The following MEGF11 variants were observed in gnomAD, a reference collection of about 807,000 sequenced individuals.
MEGF11 encodes the protein multiple EGF like domains 11, also known as multiple epidermal growth factor-like domains protein 11.
MEGF11 carries 126 observed loss-of-function variants against 146.6 expected under a neutral mutation model. That is an observed-to-expected ratio of 0.86 (90% CI 0.74 to 1.00). The LOEUF is 1.00. Ranked by LOEUF, MEGF11 falls within the 50% of genes least tolerant of loss-of-function variation. The pLI, the probability that MEGF11 is intolerant of heterozygous loss-of-function variation, is 0.00. For missense variants in MEGF11, 1,509 were observed against 1,521.2 expected (o/e 0.99, Z 0.13); for synonymous variants, 532 against 583.4 (o/e 0.91, Z 1.27).
At chr15:66,099,204 C>T (rs200549131) in intron 4 of MEGF11, among the ~76,000 whole-genome samples, 231 of 105,750 alleles carry the variant, frequency 2.2e-3, no homozygotes, top group Middle Eastern at 5.4e-3. Context: ...CCTCCTTTTT[C>T]TTTTTTTTTT....
At chr15:66,246,540 C>T (rs1218913794) in intron 1 of MEGF11, among the ~76,000 whole-genome samples, 2 of 152,048 alleles carry the variant, frequency 1.3e-5, no homozygotes, top group Admixed American at 1.3e-4. Context: ...CAGTGGCTCA[C>T]GCCTGTAATC....
intron 5 of MEGF11, among the ~76,000 whole-genome samples, chr15:66,065,643 G>A (rs2085092119): frequency 1.3e-5 from 2 of 152,204 alleles, no homozygotes; most frequent in African/African-American, 2.4e-5. Context: ...CATTTCCTGC[G>A]TCCAAGAGGA....
At chr15:66,015,081 G>C (rs2082840858) in intron 5 of MEGF11, among the ~76,000 whole-genome samples, 1 of 152,168 alleles carries the variant, frequency 6.6e-6, no homozygotes, top group African/African-American at 2.4e-5. Flanking sequence ...GTTGCAAAGA[G>C]ATGTGCACAC....
At chr15:65,918,509 G>T (rs1474743140) in intron 15 of MEGF11, among the ~76,000 whole-genome samples, 1 of 152,228 alleles carries the variant, frequency 6.6e-6, no homozygotes, top group Admixed American at 6.5e-5. Context: ...AACCACGAGG[G>T]TAGAGAATAT....
chr15:65,900,562 A>C (rs2078470057), intron 24 of MEGF11, among the ~76,000 whole-genome samples: 1 of 152,226 alleles, frequency 6.6e-6, no homozygotes, highest in African/African-American at 2.4e-5. Context: ...TTCAGCCATT[A>C]GTTCCTTCAA....
intron 5 of MEGF11, among the ~76,000 whole-genome samples, chr15:66,057,846 C>G (rs185226700): frequency 2.1e-3 from 315 of 152,226 alleles, no homozygotes; most frequent in Middle Eastern, 3.4e-3. Context: ...AATACCTGAA[C>G]GAAAACCCCC....
At chr15:66,091,066 A>C (rs528063659) in intron 5 of MEGF11, among the ~76,000 whole-genome samples, 5 of 152,312 alleles carry the variant, frequency 3.3e-5, no homozygotes, top group African/African-American at 1.2e-4. Context: ...AGAGAAAAAA[A>C]CAAACAAGAA....
intron 4 of MEGF11, among the ~76,000 whole-genome samples, chr15:66,096,529 T>C (rs116836112): frequency 0.065 from 1,796 of 27,448 alleles, 16 homozygotes; most frequent in South Asian, 0.17. Context: ...CTTCACATTT[T>C]GCCCAGGCTG....
At chr15:66,155,355 C>T (rs2089719477) in intron 1 of MEGF11, among the ~76,000 whole-genome samples, 1 of 152,126 alleles carries the variant, frequency 6.6e-6, no homozygotes, top group Non-Finnish European at 1.5e-5. Context: ...GAGAGTGGGG[C>T]AGGAAAGAGG....
At chr15:66,252,224 G>GCCCCCCA (rs67789133) in intron 1 of MEGF11, among the ~76,000 whole-genome samples, 17 of 89,962 alleles carry the variant, frequency 1.9e-4, no homozygotes, top group East Asian at 3.5e-4. Context: ...CGCACCCCCC[G>GCCCCCCA]CCCCCCACCC....
intron 5 of MEGF11, among the ~76,000 whole-genome samples, chr15:66,071,935 AC>A (rs1367967814): frequency 6.6e-6 from 1 of 152,218 alleles, no homozygotes; most frequent in Non-Finnish European, 1.5e-5. Context: ...ATAAATGAGC[AC>A]CACTGGGACC....
chr15:66,057,688 A>G (rs2084735491), intron 5 of MEGF11, among the ~76,000 whole-genome samples: 1 of 152,056 alleles, frequency 6.6e-6, no homozygotes, highest in Admixed American at 6.6e-5. Context: ...GGAGGGGTGG[A>G]AAGGTGGACC....
chr15:66,165,490 C>A (rs1162243818), intron 1 of MEGF11, among the ~76,000 whole-genome samples: 3 of 152,170 alleles, frequency 2.0e-5, no homozygotes, highest in African/African-American at 2.4e-5. Context: ...AAAGGAACAT[C>A]TTTTTTAAAA....
rs140367968 is a variant in MEGF11, at chr15:66,053,645, T to C, written c.394+40757A>G. ...CATGGCCCAGACACTCTGGGAACCC[T>C]TGAAACCTAACACTAATCCTCTCCA... On this transcript the variant is annotated intron_variant, in intron 5 of 25. Transcript: ENST00000395614. Among the ~76,000 whole-genome samples, 1,478 of 149,400 alleles carry C rather than the reference T, an allele frequency of 9.9e-3. 10 individuals are homozygous for C. The highest frequency in any genetic ancestry group is 0.013 in the African/African-American group (526 of 40,572).
At chr15:66,083,196 C>A (rs1158683167) in intron 5 of MEGF11, among the ~76,000 whole-genome samples, 2 of 152,190 alleles carry the variant, frequency 1.3e-5, no homozygotes, top group Non-Finnish European at 2.9e-5. Flanking sequence ...TACCACCAGG[C>A]CTCCCCAGGA....
At chr15:66,160,058 G>A (rs191159384) in intron 1 of MEGF11, among the ~76,000 whole-genome samples, 1 of 152,164 alleles carries the variant, frequency 6.6e-6, no homozygotes, top group African/African-American at 2.4e-5. Context: ...CCATGTGATA[G>A]ATGGAGACCC....
intron 1 of MEGF11, among the ~76,000 whole-genome samples, chr15:66,155,847 G>A (rs541590007): frequency 1.1e-4 from 17 of 152,144 alleles, no homozygotes; most frequent in African/African-American, 3.4e-4. Flanking sequence ...TCCTGGCCAC[G>A]CCAGCTATCA....
chr15:66,148,682 TG>T (rs1228016382), intron 1 of MEGF11, among the ~76,000 whole-genome samples: 1 of 152,216 alleles, frequency 6.6e-6, no homozygotes, highest in Non-Finnish European at 1.5e-5. Flanking sequence ...TCTATCAGCC[TG>T]GGCAGTCTCT....
At chr15:66,022,820 C>A (rs1408376240) in intron 5 of MEGF11, among the ~76,000 whole-genome samples, 1 of 146,426 alleles carries the variant, frequency 6.8e-6, no homozygotes, top group African/African-American at 2.5e-5. Context: ...TGCACTCTAG[C>A]CTGGGCAACA....
Sources: gnomAD v4.1 joint callset for allele counts (sites outside exome capture counted in the v4.1 genomes callset) on GRCh38, gnomAD v4.1.1 for gene constraint, MANE v1.5 for transcripts, NCBI Gene and HGNC (gene_info 2026-07-23, HGNC 2026-07-21) for gene names.